Variants in KIRREL3 observed in about 807,000 individuals in gnomAD.
KIRREL3 encodes kin of IRRE-like protein 3.
KIRREL3 carries 36 observed loss-of-function variants against 89.7 expected under a neutral mutation model. That is an observed-to-expected ratio of 0.40 (90% CI 0.31 to 0.53). The LOEUF is 0.53. Ranked by LOEUF, KIRREL3 falls within the 20% of genes least tolerant of loss-of-function variation. The pLI, the probability that KIRREL3 is intolerant of heterozygous loss-of-function variation, is 0.49. For synonymous variants in KIRREL3, 445 were observed against 441.4 expected, an observed-to-expected ratio of 1.01 and a Z score of -0.10; for missense variants, 864 against 1,056.6, an observed-to-expected ratio of 0.82 and a Z score of 2.53.
At chr11:126,922,528 C>T (rs945668443) in intron 1 of KIRREL3, among the ~76,000 whole-genome samples, 9 of 151,942 alleles carry the variant, frequency 5.9e-5, no homozygotes, top group South Asian at 2.1e-4. Flanking sequence ...AAGCATGTAA[C>T]GTTCCCTCCC....
intron 1 of KIRREL3, among the ~76,000 whole-genome samples, chr11:126,889,500 GA>G (rs995062907): frequency 6.7e-6 from 1 of 149,490 alleles, no homozygotes; most frequent in Non-Finnish European, 1.5e-5. Context: ...GTTCTTCTTG[GA>G]AAAAAAAAGG....
Position 126,697,435 on chromosome 11 carries a change from C to T in KIRREL3, c.56-134523G>A, listed in dbSNP as rs1947144498. Among the ~76,000 whole-genome samples the T allele has an allele frequency of 6.6e-6, 1 of 152,208 alleles. No individual in the cohort carries two copies. Among genetic ancestry groups the T allele is most frequent in the African/African-American group, 2.4e-5 (1 of 41,442 alleles). On this transcript the variant is annotated intron_variant, in intron 1 of 16. Transcript: ENST00000525144. The surrounding 1 kb of genome is among the most constrained non-coding windows in gnomAD (Gnocchi z 4.2). ...ATAGTTCCCAGTTGCCAAAGCTTTT[C>T]CCACAGACCCTGACTCAGAGGAGAT...
intron 1 of KIRREL3, among the ~76,000 whole-genome samples, chr11:126,871,410 C>T (rs1237474440): frequency 6.6e-6 from 1 of 152,098 alleles, no homozygotes; most frequent in African/African-American, 2.4e-5. Flanking sequence ...AGTCACTTAC[C>T]CTCTCTGAAT....
chr11:126,688,185 G>T (rs981389178), intron 1 of KIRREL3, among the ~76,000 whole-genome samples: 1 of 152,170 alleles, frequency 6.6e-6, no homozygotes, highest in African/African-American at 2.4e-5. Flanking sequence ...TCCCACTTCT[G>T]GTCTCTGGCT....
At chr11:126,928,533 G>A (rs1565430617) in intron 1 of KIRREL3, among the ~76,000 whole-genome samples, 1 of 152,274 alleles carries the variant, frequency 6.6e-6, no homozygotes, top group African/African-American at 2.4e-5. Context: ...GGCGGACACT[G>A]TCATGAGCTG....
rs1191830135 is a variant in KIRREL3, at chr11:126,608,256, C to T, written c.56-45344G>A. 6.6e-6 allele frequency among the ~76,000 whole-genome samples: 1 copy of T among 151,654 alleles called. No individual in the cohort carries two copies. Among genetic ancestry groups the T allele is most frequent in the East Asian group, 1.9e-4 (1 of 5,178 alleles). ...GGTCTCAGAAGCCCCCGCTGGGAGC[C>T]TCCTATCCACCTGGCAGGCGTTTGG... On this transcript the variant is annotated intron_variant, in intron 1 of 16. Coordinates refer to ENST00000525144, the MANE Select transcript of KIRREL3 (RefSeq NM_032531.4). The surrounding 1 kb of genome is among the most constrained non-coding windows in gnomAD (Gnocchi z 4.9).
Position 126,427,041 on chromosome 11 carries a change from T to G in KIRREL3, c.1807-1317A>C, listed in dbSNP as rs1213688274. On this transcript the variant is annotated intron_variant, in intron 15 of 16. Transcript: ENST00000525144. This position sits in a 1 kb window ranked among gnomAD's most constrained non-coding sequence, Gnocchi z 5.3. ...AGTCCCTTCTGCTCCCACCTGACAC[T>G]GAGCTGCCCCCACTCTTGCCTGTGG... Among the ~76,000 whole-genome samples the G allele has an allele frequency of 6.6e-6, 1 of 152,176 alleles. No individual in the cohort carries two copies. The highest frequency in any genetic ancestry group is 1.5e-5 in the Non-Finnish European group (1 of 68,038).
chr11:126,933,056 CCT>C, intron 1 of KIRREL3, among the ~76,000 whole-genome samples: 1 of 152,270 alleles, frequency 6.6e-6, no homozygotes, highest in South Asian at 2.1e-4. Flanking sequence ...ACCTTGTGCC[CCT>C]GTTACTCCAT....
In KIRREL3 at chr11:126,582,822, A is replaced by G. The variant is rs182453715; in HGVS notation, c.56-19910T>C. 1.9e-4 allele frequency among the ~76,000 whole-genome samples: 29 copies of G among 152,388 alleles called. No individual in the cohort carries two copies. The East Asian group carries it at 3.1e-3, about 16-fold the overall frequency. On this transcript the variant is annotated intron_variant, in intron 1 of 16. Coordinates refer to ENST00000525144, the MANE Select transcript of KIRREL3 (RefSeq NM_032531.4). ...TGCAACACTGACGTATTGAAGAAGT[A>G]CTAAAGAAGTATTATCCTTAATTAT...
intron 1 of KIRREL3, among the ~76,000 whole-genome samples, chr11:126,726,754 A>G (rs976151256): frequency 6.6e-6 from 1 of 152,126 alleles, no homozygotes; most frequent in African/African-American, 2.4e-5. Context: ...CCCTTCTCCT[A>G]GCAAAACTCT....
chr11:126,781,982 A>T (rs2134330634), intron 1 of KIRREL3, among the ~76,000 whole-genome samples: 1 of 152,324 alleles, frequency 6.6e-6, no homozygotes, highest in African/African-American at 2.4e-5. Context: ...TTTTGTTACA[A>T]AGTTAAGATT....
intron 1 of KIRREL3, among the ~76,000 whole-genome samples, chr11:126,902,844 A>C (rs181124532): frequency 7.0e-6 from 1 of 143,650 alleles, no homozygotes; most frequent in African/African-American, 3.0e-5. Context: ...TGTTTTAATC[A>C]CATTTCCTTC....
intron 1 of KIRREL3, among the ~76,000 whole-genome samples, chr11:126,798,218 T>G (rs1482611819): frequency 6.6e-6 from 1 of 151,924 alleles, no homozygotes; most frequent in Non-Finnish European, 1.5e-5. Context: ...CTTCCCTCTC[T>G]GAGATCCCGG....
At position 126,768,559 on chromosome 11, in the gene KIRREL3, G is replaced by A. The variant is rs1317349327; in HGVS notation, c.56-205647C>T. Among the ~76,000 whole-genome samples, 1 of 152,208 alleles carries A rather than the reference G, an allele frequency of 6.6e-6. No individual in the cohort carries two copies. Among genetic ancestry groups the A allele is most frequent in the Non-Finnish European group, 1.5e-5 (1 of 68,044 alleles). On this transcript the variant is annotated intron_variant, in intron 1 of 16. Coordinates refer to ENST00000525144, the MANE Select transcript of KIRREL3 (RefSeq NM_032531.4). This position sits in a 1 kb window ranked among gnomAD's most constrained non-coding sequence, Gnocchi z 4.5. Reference sequence around the variant, plus strand: ...AAGTGCAAGGAAGAAAGAAAAACAGGGGCATGAGCTAGACAGGGACTGGAG... The same window carrying A: ...AAGTGCAAGGAAGAAAGAAAAACAGAGGCATGAGCTAGACAGGGACTGGAG...
rs188488171 is a variant in KIRREL3 at position 126,726,419 on chromosome 11, G to A, written c.56-163507C>T. ...GTCTCCCTCTGTTGCCCAGGCTGGA[G>A]GGCGGTGGCATGACCTTGGCTCACT... On this transcript the variant is annotated intron_variant, in intron 1 of 16. Transcript: ENST00000525144. Among the ~76,000 whole-genome samples the A allele has an allele frequency of 2.6e-3, 396 of 152,124 alleles. 2 individuals are homozygous for A. The highest frequency in any genetic ancestry group is 9.0e-3 in the African/African-American group (375 of 41,472).
rs1946524183 is a variant in KIRREL3, at chr11:126,905,077, A to C, written c.55+95378T>G. Among the ~76,000 whole-genome samples the C allele has an allele frequency of 6.6e-6, 1 of 152,168 alleles. No individual in the cohort carries two copies. The highest frequency in any genetic ancestry group is 1.5e-5 in the Non-Finnish European group (1 of 68,026). On this transcript the variant is annotated intron_variant, in intron 1 of 16. Coordinates refer to ENST00000525144, the MANE Select transcript of KIRREL3 (RefSeq NM_032531.4). This position sits in a 1 kb window ranked among gnomAD's most constrained non-coding sequence, Gnocchi z 5.0. ...ATTCCCTGGTTTGGCAAAAAGGGCG[A>C]CATGATGGTTGGTGTCTATGAAGAC... is the stretch of plus-strand genomic sequence containing the variant.
intron 1 of KIRREL3, among the ~76,000 whole-genome samples, chr11:126,824,376 A>G (rs1401285931): frequency 6.6e-6 from 1 of 152,218 alleles, no homozygotes; most frequent in Non-Finnish European, 1.5e-5. Flanking sequence ...CAGCTCTGTG[A>G]AGCAGCTAGG....
chr11:126,962,591 A>G (rs1308215461), intron 1 of KIRREL3, among the ~76,000 whole-genome samples: 1 of 152,230 alleles, frequency 6.6e-6, no homozygotes, highest in African/African-American at 2.4e-5. Context: ...AGTTGAAACG[A>G]CAACAAAAGA....
chr11:126,517,133 AG>A (rs1958436131), intron 4 of KIRREL3, among the ~76,000 whole-genome samples: 1 of 124,484 alleles, frequency 8.0e-6, no homozygotes, highest in Admixed American at 8.6e-5. Context: ...AGAGAGAGAG[AG>A]AAAGAGAGAG....
Sources: allele counts gnomAD v4.1 joint callset (sites outside exome capture counted in the v4.1 genomes callset), GRCh38; gene constraint gnomAD v4.1.1; non-coding constraint Gnocchi (gnomAD v3.1); transcripts MANE v1.5; gene names NCBI Gene and HGNC (gene_info 2026-07-23, HGNC 2026-07-21).